Variants in MEF2C observed in about 807,000 individuals in gnomAD.
The protein encoded by MEF2C is myocyte enhancer factor 2C.
Under a neutral mutation model 50.5 loss-of-function variants are expected in MEF2C, and 6 were observed. The observed-to-expected ratio is 0.12, with a 90% CI of 0.07 to 0.23. The LOEUF is 0.23. MEF2C is among the 10% of genes least tolerant of loss of function. The probability of loss-of-function intolerance (pLI) is 1.00; values close to 1 mark genes in which losing one functional copy is unlikely to be tolerated. For missense variants in MEF2C, 276 were observed against 605.0 expected, an observed-to-expected ratio of 0.46 and a Z score of 5.70; for synonymous variants, 183 against 228.0, an observed-to-expected ratio of 0.80 and a Z score of 1.78.
chr5:88,756,118 T>C (rs1367932575), intron 4 of MEF2C, among the ~76,000 whole-genome samples: 2 of 152,240 alleles, frequency 1.3e-5, no homozygotes, highest in Non-Finnish European at 2.9e-5. Flanking sequence ...ATTCTATTAA[T>C]CTTTTGCTTT....
rs1372019582 is a variant in MEF2C at position 88,869,302 on chromosome 5, T to TAC, written c.-143+13652_-143+13653insGT. Among the ~76,000 whole-genome samples, 202 of 106,040 alleles carry TAC rather than the reference T, an allele frequency of 1.9e-3. 1 individual carries two copies. The highest frequency in any genetic ancestry group is 3.6e-3 in the Admixed American group (33 of 9,166). 69.6% of individuals were successfully genotyped at this position (106,040 alleles called of 152,430 possible). A position where few individuals can be genotyped will look rare whatever the true frequency, so the allele number is the denominator to read the frequency against. On this transcript the variant is annotated intron_variant, in intron 1 of 10. Transcript: ENST00000504921. ...ACATATATATATATATATACACATA[T>TAC]ATATATATATATACACATATAGCTT...
chr5:88,869,714 C>A (rs551052609), intron 1 of MEF2C, among the ~76,000 whole-genome samples: 147 of 150,616 alleles, frequency 9.8e-4, no homozygotes, highest in African/African-American at 1.5e-3. Context: ...ATGAAGACAA[C>A]AAAAACTGAT....
At chr5:88,751,446 C>G (rs1020730284) in intron 5 of MEF2C, 34 of 985,076 alleles carry the variant, frequency 3.5e-5, no homozygotes, top group Non-Finnish European at 3.9e-5. Context: ...TAATAAATAA[C>G]TAAATGGGAT....
chr5:88,871,634 A>G (rs1398060832), intron 1 of MEF2C, among the ~76,000 whole-genome samples: 3 of 152,080 alleles, frequency 2.0e-5, no homozygotes, highest in Non-Finnish European at 4.4e-5. Context: ...CATCCAAAAT[A>G]TGATTTTTTT....
intron 1 of MEF2C, among the ~76,000 whole-genome samples, chr5:88,882,582 G>C (rs1280274111): frequency 6.6e-6 from 1 of 152,096 alleles, no homozygotes; most frequent in African/African-American, 2.4e-5. Flanking sequence ...AAATCTTAAG[G>C]CGTCTACTTC....
At chr5:88,844,188 T>C (rs1298052405) in intron 1 of MEF2C, among the ~76,000 whole-genome samples, 1 of 152,210 alleles carries the variant, frequency 6.6e-6, no homozygotes, top group African/African-American at 2.4e-5. Flanking sequence ...TATATTTCAA[T>C]TGGACCTTAA....
chr5:88,794,644 A>G (rs552264636), intron 3 of MEF2C, among the ~76,000 whole-genome samples: 1 of 152,204 alleles, frequency 6.6e-6, no homozygotes, highest in African/African-American at 2.4e-5. Context: ...TCTTTAGTTT[A>G]ATTAGGTCCC....
chr5:88,899,547 TA>T (rs1341183802), intron 1 of MEF2C, among the ~76,000 whole-genome samples: 1 of 152,176 alleles, frequency 6.6e-6, no homozygotes, highest in Non-Finnish European at 1.5e-5. Context: ...ACAGAGAGTC[TA>T]ACTCAAATCT....
At chr5:88,816,411 T>C (rs989461385) in intron 2 of MEF2C, among the ~76,000 whole-genome samples, 1 of 150,594 alleles carries the variant, frequency 6.6e-6, no homozygotes, top group African/African-American at 2.4e-5. Flanking sequence ...AAAATGGAAA[T>C]GAATGGCCTG....
At chr5:88,848,349 G>C (rs985423028) in intron 1 of MEF2C, among the ~76,000 whole-genome samples, 1 of 152,080 alleles carries the variant, frequency 6.6e-6, no homozygotes, top group African/African-American at 2.4e-5. Context: ...CAACTTTCTA[G>C]TTATGTAACA....
intron 1 of MEF2C, among the ~76,000 whole-genome samples, chr5:88,879,382 T>A (rs1832102384): frequency 6.7e-6 from 1 of 148,560 alleles, no homozygotes; most frequent in Non-Finnish European, 1.5e-5. Context: ...AATATATATA[T>A]TATATATATA....
At chr5:88,833,411 C>A (rs1424191355) in intron 1 of MEF2C, among the ~76,000 whole-genome samples, 1 of 151,972 alleles carries the variant, frequency 6.6e-6, no homozygotes, top group Non-Finnish European at 1.5e-5. Flanking sequence ...GCAAACCCTG[C>A]AACAGATTTA....
At chr5:88,795,644 C>A (rs1050988868) in intron 3 of MEF2C, among the ~76,000 whole-genome samples, 1 of 152,112 alleles carries the variant, frequency 6.6e-6, no homozygotes, top group Non-Finnish European at 1.5e-5. Context: ...CTTTCTCTTG[C>A]CTGATTGCCC....
intron 6 of MEF2C, chr5:88,740,150 T>C (rs1765913844): frequency 1.0e-6 from 1 of 985,096 alleles, no homozygotes; most frequent in Non-Finnish European, 1.2e-6. Context: ...TGTCACCTGA[T>C]GCTGGACCAG....
At chr5:88,813,559 A>G (rs1440139467) in intron 2 of MEF2C, among the ~76,000 whole-genome samples, 2 of 152,072 alleles carry the variant, frequency 1.3e-5, no homozygotes, top group African/African-American at 4.8e-5. Context: ...AGAGTTCTGA[A>G]AGAAAAGGAC....
chr5:88,794,283 T>C (rs1454302852), intron 3 of MEF2C, among the ~76,000 whole-genome samples: 1 of 152,224 alleles, frequency 6.6e-6, no homozygotes, highest in African/African-American at 2.4e-5. Flanking sequence ...TGTTCCTATT[T>C]CTCCACACCC....
chr5:88,766,366 T>G (rs889945106), intron 3 of MEF2C, among the ~76,000 whole-genome samples: 1 of 152,272 alleles, frequency 6.6e-6, no homozygotes, highest in African/African-American at 2.4e-5. Flanking sequence ...TGATTAAAAC[T>G]GATTTTTCCC....
chr5:88,760,618 A>G (rs1210952638), intron 4 of MEF2C, among the ~76,000 whole-genome samples: 1 of 152,260 alleles, frequency 6.6e-6, no homozygotes, highest in Non-Finnish European at 1.5e-5. Flanking sequence ...CAAACAATGT[A>G]TAATCTATGT....
At chr5:88,796,954 T>G (rs1796266909) in intron 3 of MEF2C, among the ~76,000 whole-genome samples, 1 of 152,252 alleles carries the variant, frequency 6.6e-6, no homozygotes, top group Non-Finnish European at 1.5e-5. Context: ...TTTTTAATCC[T>G]GAGTTCTAAT....
Sources: allele counts gnomAD v4.1 joint callset (sites outside exome capture counted in the v4.1 genomes callset), GRCh38; gene constraint gnomAD v4.1.1; transcripts MANE v1.5; gene names NCBI Gene and HGNC (gene_info 2026-07-23, HGNC 2026-07-21).